Variants in PIEZO2 observed in about 807,000 individuals in gnomAD.
PIEZO2 encodes piezo-type mechanosensitive ion channel component 2.
A neutral mutation model predicts 337.3 loss-of-function variants in PIEZO2; 172 were observed. The ratio of observed to expected loss-of-function variants is 0.51; its 90% CI spans 0.45 to 0.58. The LOEUF is 0.58. Ranked by LOEUF, PIEZO2 falls within the 20% of genes least tolerant of loss-of-function variation. The pLI is 0.00. For synonymous variants in PIEZO2, 1,251 were observed against 1,228.5 expected, an observed-to-expected ratio of 1.02 and a Z score of -0.38; for missense variants, 3,028 against 3,391.3, an observed-to-expected ratio of 0.89 and a Z score of 2.66.
intron 3 of PIEZO2, among the ~76,000 whole-genome samples, chr18:10,932,226 C>A (rs2032134120): frequency 6.6e-6 from 1 of 151,770 alleles, no homozygotes; most frequent in Admixed American, 6.6e-5. Context: ...CAAAACCCCA[C>A]CTTTACAAAA....
intron 2 of PIEZO2, among the ~76,000 whole-genome samples, chr18:11,034,028 A>G (rs963446285): frequency 2.4e-4 from 37 of 152,180 alleles, no homozygotes; most frequent in Non-Finnish European, 4.3e-4. Context: ...TTAAAAGTCC[A>G]AAAGCTCTGG....
At chr18:10,808,636 T>C (rs1359339903) in intron 7 of PIEZO2, among the ~76,000 whole-genome samples, 1 of 152,262 alleles carries the variant, frequency 6.6e-6, no homozygotes, top group African/African-American at 2.4e-5. Flanking sequence ...CTTGTTCTTA[T>C]TATAAAATCT....
chr18:10,807,164 A>C lies in PIEZO2; in HGVS notation c.1028T>G (p.Val343Gly). 6.5e-7 allele frequency: 1 copy of C among 1,537,254 alleles called. No individual in the cohort carries two copies. The highest frequency in any genetic ancestry group is 8.7e-7 in the Non-Finnish European group (1 of 1,146,904). ...YHHANPILLL[V>G]MYYTLATLIR... Reference sequence around the variant, plus strand: ...CAGAGTGGCCAGAGTGTAGTACATCACCAGCAGGAGGATAGGGTTGGCGTG... The same window carrying C: ...CAGAGTGGCCAGAGTGTAGTACATCCCCAGCAGGAGGATAGGGTTGGCGTG... Residue 343 changes from valine to glycine, a missense_variant, in exon 8 of 56, where the codon GTG (valine) becomes GGG (glycine). Transcript: ENST00000674853.
Position 11,110,238 on chromosome 18 carries a change from G to A in PIEZO2, c.64+38287C>T, listed in dbSNP as rs965277567. On this transcript the variant is annotated intron_variant, in intron 1 of 55. Coordinates refer to ENST00000674853, the MANE Select transcript of PIEZO2 (RefSeq NM_001378183.1). This position sits in a 1 kb window ranked among gnomAD's most constrained non-coding sequence, Gnocchi z 4.2. ...TTCCTGGCCATCCTTCCACCTCAGCGTCCCAAAGTGCTGGGACTACAGGTG... is the reference window on the plus strand; with the variant it reads ...TTCCTGGCCATCCTTCCACCTCAGCATCCCAAAGTGCTGGGACTACAGGTG... Among the ~76,000 whole-genome samples, 2 of 152,142 alleles carry A rather than the reference G, an allele frequency of 1.3e-5. No individual in the cohort carries two copies. The highest frequency in any genetic ancestry group is 2.4e-5 in the African/African-American group (1 of 41,436).
intron 35 of PIEZO2, among the ~76,000 whole-genome samples, chr18:10,733,602 C>T (rs537878833): frequency 6.6e-6 from 1 of 152,246 alleles, no homozygotes; most frequent in African/African-American, 2.4e-5. Context: ...GCGCCTGCCA[C>T]CACGCCCGGC....
chr18:11,029,555 A>G (rs1395427985), intron 2 of PIEZO2, among the ~76,000 whole-genome samples: 1 of 152,132 alleles, frequency 6.6e-6, no homozygotes, highest in African/African-American at 2.4e-5. Context: ...TCTCCTACTT[A>G]AAGTCTCTTA....
chr18:10,750,504 T>G lies in PIEZO2; in HGVS notation c.4168-317A>C, dbSNP rs2037605225. Among the ~76,000 whole-genome samples, 1 of 152,206 alleles carries G rather than the reference T, an allele frequency of 6.6e-6. No homozygotes were observed. On this transcript the variant is annotated intron_variant, in intron 28 of 55. Transcript: ENST00000674853. The surrounding 1 kb of genome is among the most constrained non-coding windows in gnomAD (Gnocchi z 4.1). ...CCAACTCTGTGATAATGAATGGGTG[T>G]GCACTGAACCCTAGAACTTGGACTT...
Position 10,800,446 on chromosome 18 carries a change from G to A in PIEZO2, c.1269C>T (p.Pro423=), listed in dbSNP as rs1405916857. ...DGLLVTVNGN[P]VDYHTIHPSL... is the part of the protein sequence containing the mutation. ...TTGGGTGGATGGTGTGGTAATCCAC[G>A]GGGTTGCCGTTCACAGTCACCAGCA... Residue 423 remains proline, a synonymous_variant, in exon 11 of 56, where the codon CCC becomes CCT. Coordinates refer to ENST00000674853, the MANE Select transcript of PIEZO2 (RefSeq NM_001378183.1). 19 of 1,534,784 alleles carry A rather than the reference G, an allele frequency of 1.2e-5. No individual in the cohort carries two copies. The Admixed American group carries it at 2.0e-4, about 16-fold the overall frequency.
chr18:10,913,828 A>G (rs1239233120), intron 3 of PIEZO2, among the ~76,000 whole-genome samples: 3 of 152,050 alleles, frequency 2.0e-5, no homozygotes, highest in Non-Finnish European at 2.9e-5. Flanking sequence ...CCAGAAATCA[A>G]CTTAATAATT....
At chr18:10,782,701 A>G (rs1048339734) in intron 17 of PIEZO2, among the ~76,000 whole-genome samples, 2 of 151,472 alleles carry the variant, frequency 1.3e-5, no homozygotes, top group Non-Finnish European at 2.9e-5. Context: ...GTCAGGACTC[A>G]TATCGGTACA....
chr18:10,814,721 G>C (rs1211656399), intron 7 of PIEZO2, among the ~76,000 whole-genome samples: 2 of 152,080 alleles, frequency 1.3e-5, no homozygotes, highest in Non-Finnish European at 2.9e-5. Context: ...CAAGCATCCT[G>C]GGCTCCCTAT....
At chr18:11,014,544 G>GCC (rs2036022533) in intron 2 of PIEZO2, among the ~76,000 whole-genome samples, 1 of 134,370 alleles carries the variant, frequency 7.4e-6, no homozygotes, top group African/African-American at 2.9e-5. Flanking sequence ...GCGATCCAGA[G>GCC]CCCCTCATTC....
chr18:10,902,151 C>T (rs928006042), intron 4 of PIEZO2, among the ~76,000 whole-genome samples: 1 of 152,214 alleles, frequency 6.6e-6, no homozygotes, highest in Non-Finnish European at 1.5e-5. Context: ...TTATGAGAAG[C>T]TAATGCCTGC....
intron 1 of PIEZO2, among the ~76,000 whole-genome samples, chr18:11,137,052 T>C (rs531844868): frequency 2.6e-5 from 4 of 152,232 alleles, no homozygotes; most frequent in Non-Finnish European, 5.9e-5. Context: ...AATTCGAATC[T>C]AAACATGCTC....
chr18:10,714,799 C>G lies in PIEZO2; in HGVS notation c.5388G>C (p.Arg1796Ser). 6.5e-7 allele frequency: 1 copy of G among 1,537,204 alleles called. No individual in the cohort carries two copies. The highest frequency in any genetic ancestry group is 8.7e-7 in the Non-Finnish European group (1 of 1,146,890). Residue 1796 changes from arginine (R) to serine (S), a missense_variant, in exon 39 of 56, where the codon AGG (arginine) becomes AGC (serine). Transcript: ENST00000674853. ...GAASGAQTAH[R>S]MDSLDSHDSI... ...TGTCATGTGAATCTAAACTATCCAT[C>G]CTGTGGGCTGTCTGTGCACCTGAAG...
rs569575422 is a variant in PIEZO2 at position 11,035,242 on chromosome 18, T to C, written c.160+30885A>G. On this transcript the variant is annotated intron_variant, in intron 2 of 55. Coordinates refer to ENST00000674853, the MANE Select transcript of PIEZO2 (RefSeq NM_001378183.1). This position sits in a 1 kb window ranked among gnomAD's most constrained non-coding sequence, Gnocchi z 4.3. ...GGGAGGTGTTTGGTCCCAGCAGTAA[T>C]GAGAGAGTTCTTGCTCTGTTAGTTC... Among the ~76,000 whole-genome samples, 2 of 152,264 alleles carry C rather than the reference T, an allele frequency of 1.3e-5. No homozygotes were observed. Among genetic ancestry groups the C allele is most frequent in the East Asian group, 3.9e-4 (2 of 5,180 alleles).
At chr18:10,989,121 AAGAG>A (rs1384436817) in intron 2 of PIEZO2, among the ~76,000 whole-genome samples, 5 of 152,100 alleles carry the variant, frequency 3.3e-5, no homozygotes, top group African/African-American at 1.2e-4. Context: ...ATAATAAAGG[AAGAG>A]AGAGGAGACT....
Position 10,759,693 on chromosome 18 carries a change from G to A in PIEZO2, c.3655+12C>T. 1 of 1,537,252 alleles carries A rather than the reference G, an allele frequency of 6.5e-7. No homozygotes were observed. The highest frequency in any genetic ancestry group is 1.2e-5 in the South Asian group (1 of 84,056). ...TCTAAAAGTAGACGGCTCAAGGGAA[G>A]GGCAGGCTCACCTCGGCAAGGAGCA... is the stretch of plus-strand genomic sequence containing the variant. On this transcript the variant is annotated intron_variant, in intron 25 of 55. Transcript: ENST00000674853. The surrounding 1 kb of genome is among the most constrained non-coding windows in gnomAD (Gnocchi z 5.5).
intron 3 of PIEZO2, among the ~76,000 whole-genome samples, chr18:10,946,760 A>G (rs2033044657): frequency 6.6e-6 from 1 of 152,204 alleles, no homozygotes; most frequent in Admixed American, 6.5e-5. Flanking sequence ...AAGATTGAAT[A>G]GTATCTAGAA....
Sources: gnomAD v4.1 joint callset for allele counts (sites outside exome capture counted in the v4.1 genomes callset) on GRCh38, gnomAD v4.1.1 for gene constraint, Gnocchi (gnomAD v3.1) non-coding constraint, MANE v1.5 for transcripts, NCBI Gene and HGNC (gene_info 2026-07-23, HGNC 2026-07-21) for gene names.